RBMS3: variants seen among roughly 807,000 people sequenced by gnomAD.
RBMS3 encodes RNA binding motif single stranded interacting protein 3, also known as RNA-binding motif, single-stranded-interacting protein 3.
RBMS3 carries 27 observed loss-of-function variants against 66.8 expected under a neutral mutation model. The ratio of observed to expected loss-of-function variants is 0.40; its 90% CI spans 0.30 to 0.56. RBMS3 has a LOEUF of 0.56. RBMS3 is among the 20% of genes least tolerant of loss of function. RBMS3 has a pLI of 0.40. For synonymous variants in RBMS3, 188 were observed against 183.0 expected (o/e 1.03, Z -0.22); for missense variants, 513 against 549.5 (o/e 0.93, Z 0.66).
chr3:29,343,452 C>A (rs902558264), intron 1 of RBMS3, among the ~76,000 whole-genome samples: 1 of 151,616 alleles, frequency 6.6e-6, no homozygotes, highest in African/African-American at 2.4e-5. Flanking sequence ...TCAAAATAAA[C>A]TTGCTACTTG....
At chr3:29,718,512 G>A (rs763298519) in intron 4 of RBMS3, among the ~76,000 whole-genome samples, 1 of 152,000 alleles carries the variant, frequency 6.6e-6, no homozygotes, top group Non-Finnish European at 1.5e-5. Context: ...CAATTCTGCT[G>A]GAAACTCTGA....
At chr3:29,797,172 A>C (rs1364196894) in intron 6 of RBMS3, among the ~76,000 whole-genome samples, 1 of 152,180 alleles carries the variant, frequency 6.6e-6, no homozygotes, top group Non-Finnish European at 1.5e-5. Context: ...TTGAAAATCT[A>C]TTGTTTAGTG....
At chr3:29,838,980 G>C (rs1485546072) in intron 6 of RBMS3, among the ~76,000 whole-genome samples, 3 of 152,176 alleles carry the variant, frequency 2.0e-5, no homozygotes, top group Admixed American at 2.0e-4. Context: ...CAGGGGGACA[G>C]CTTCTATTGG....
intron 4 of RBMS3, among the ~76,000 whole-genome samples, chr3:29,732,080 C>A (rs901921862): frequency 2.0e-5 from 3 of 152,076 alleles, no homozygotes; most frequent in Admixed American, 1.3e-4. Context: ...ATCACTCTAT[C>A]TTACCCCTCC....
At chr3:29,649,769 A>G (rs1559536830) in intron 4 of RBMS3, among the ~76,000 whole-genome samples, 2 of 152,196 alleles carry the variant, frequency 1.3e-5, no homozygotes, top group South Asian at 2.1e-4. Flanking sequence ...CATTTTTACT[A>G]TCTTTTATGT....
chr3:29,848,896 A>G (rs1354694483), intron 6 of RBMS3, among the ~76,000 whole-genome samples: 2 of 152,252 alleles, frequency 1.3e-5, no homozygotes, highest in East Asian at 3.9e-4. Flanking sequence ...CAATGCTACC[A>G]TTTTTGGACA....
intron 4 of RBMS3, among the ~76,000 whole-genome samples, chr3:29,677,440 A>G (rs184500181): frequency 5.9e-5 from 9 of 152,228 alleles, no homozygotes; most frequent in Admixed American, 3.9e-4. Flanking sequence ...TTGGTAGTCA[A>G]TTTTCATATG....
chr3:29,464,960 C>T lies in RBMS3; in HGVS notation c.249-23481C>T, dbSNP rs377637656. 3.9e-5 allele frequency among the ~76,000 whole-genome samples: 6 copies of T among 152,266 alleles called. No individual in the cohort carries two copies. In the East Asian group the frequency reaches 7.7e-4, roughly 20 times the overall value. ...ACCTATAAGCATTTTAGGGACAGAA[C>T]TCACATCTGATTCATCTCAGTATTA... On this transcript the variant is annotated intron_variant, in intron 2 of 14. Transcript: ENST00000383767.
rs779555263 is a variant in RBMS3, at chr3:29,497,973, A to ATTTTTTTTTTTTTTT, written c.307+9497_307+9511dup. ...TCAGAGTTATTCTCTAAAAGTATTCATTTTTTTTTTTTTTTTTTTTTTTTT... is the reference window on the plus strand; with the variant it reads ...TCAGAGTTATTCTCTAAAAGTATTCATTTTTTTTTTTTTTTTTTTTTTTTTTTTTTTTTTTTTTTT... On this transcript the variant is annotated intron_variant, in intron 3 of 14. Coordinates refer to ENST00000383767, the MANE Select transcript of RBMS3 (RefSeq NM_001003793.3). Among the ~76,000 whole-genome samples the ATTTTTTTTTTTTTTT allele has an allele frequency of 1.2e-3, 52 of 43,440 alleles. 16 individuals carry two copies. Among genetic ancestry groups the ATTTTTTTTTTTTTTT allele is most frequent in the South Asian group, 2.6e-3 (3 of 1,142 alleles). The allele number at this position is 43,440 out of a possible 152,430, so 28.5% of individuals were successfully genotyped here. A position where few individuals can be genotyped will look rare whatever the true frequency, so the allele number is the denominator to read the frequency against.
intron 4 of RBMS3, among the ~76,000 whole-genome samples, chr3:29,646,048 C>T (rs527604816): frequency 5.3e-5 from 8 of 152,306 alleles, no homozygotes; most frequent in Admixed American, 6.5e-5. Context: ...CTATCATCTT[C>T]GATGTTCCCT....
At chr3:29,818,694 A>C (rs756091565) in intron 6 of RBMS3, among the ~76,000 whole-genome samples, 8 of 152,180 alleles carry the variant, frequency 5.3e-5, no homozygotes, top group Non-Finnish European at 1.2e-4. Flanking sequence ...AACATACCAT[A>C]ACTATTGGTT....
intron 8 of RBMS3, among the ~76,000 whole-genome samples, chr3:29,885,873 C>T (rs1035185460): frequency 6.6e-6 from 1 of 151,732 alleles, no homozygotes; most frequent in Admixed American, 6.6e-5. Flanking sequence ...GCCCAAGGCT[C>T]TATGCCAAGG....
intron 4 of RBMS3, among the ~76,000 whole-genome samples, chr3:29,683,442 A>G (rs2051582095): frequency 6.6e-6 from 1 of 152,202 alleles, no homozygotes; most frequent in South Asian, 2.1e-4. Flanking sequence ...GCAGTGGGGA[A>G]TAAAGGGGAG....
intron 3 of RBMS3, among the ~76,000 whole-genome samples, chr3:29,566,610 G>T: frequency 7.6e-6 from 1 of 131,574 alleles, no homozygotes; most frequent in Admixed American, 8.7e-5. Context: ...ATGTCTAAAT[G>T]TTGTCATTCT....
At chr3:29,332,823 A>G (rs1254721122) in intron 1 of RBMS3, among the ~76,000 whole-genome samples, 1 of 152,180 alleles carries the variant, frequency 6.6e-6, no homozygotes, top group East Asian at 1.9e-4. Context: ...ACATTGGAAA[A>G]TAAATAAGGA....
intron 6 of RBMS3, among the ~76,000 whole-genome samples, chr3:29,784,528 C>T (rs1559668092): frequency 6.6e-6 from 1 of 151,850 alleles, no homozygotes; most frequent in Non-Finnish European, 1.5e-5. Context: ...CTGGGATACA[C>T]TAAAAGTGGT....
At chr3:29,663,542 A>G (rs2050637098) in intron 4 of RBMS3, among the ~76,000 whole-genome samples, 1 of 152,188 alleles carries the variant, frequency 6.6e-6, no homozygotes, top group African/African-American at 2.4e-5. Flanking sequence ...GGGAAAAATA[A>G]GCTCCTCTTG....
At chr3:29,371,968 C>T (rs1489137667) in intron 1 of RBMS3, among the ~76,000 whole-genome samples, 1 of 152,026 alleles carries the variant, frequency 6.6e-6, no homozygotes, top group South Asian at 2.1e-4. Context: ...AAGTAACAAG[C>T]ATGTATCAAC....
intron 4 of RBMS3, among the ~76,000 whole-genome samples, chr3:29,687,257 C>T (rs2051774468): frequency 6.6e-6 from 1 of 152,160 alleles, no homozygotes; most frequent in African/African-American, 2.4e-5. Flanking sequence ...TCCAATTTCC[C>T]AGAACAGCCA....
Sources: gnomAD v4.1 joint callset for allele counts (sites outside exome capture counted in the v4.1 genomes callset) on GRCh38, gnomAD v4.1.1 for gene constraint, MANE v1.5 for transcripts, NCBI Gene and HGNC (gene_info 2026-07-23, HGNC 2026-07-21) for gene names.